The following NBAS variants were observed in gnomAD, a reference collection of about 807,000 sequenced individuals.
The protein encoded by NBAS is NBAS subunit of NRZ tethering complex, also known as NAG/BC035112 fusion.
NBAS carries 219 observed loss-of-function variants against 302.5 expected under a neutral mutation model. That is an observed-to-expected ratio of 0.72 (90% CI 0.65 to 0.81). The LOEUF (loss-of-function observed/expected upper bound fraction) is 0.81, where lower values mean the gene tolerates loss of function less well. Among genes scored for constraint, NBAS ranks in the 30% least tolerant of loss-of-function variants. NBAS has a pLI of 0.00. For missense variants in NBAS, 2,932 were observed against 2,841.6 expected, an observed-to-expected ratio of 1.03 and a Z score of -0.72; for synonymous variants, 1,118 against 1,021.6, an observed-to-expected ratio of 1.09 and a Z score of -1.80.
At chr2:15,285,463 T>C (rs1669995018) in intron 42 of NBAS, among the ~76,000 whole-genome samples, 1 of 152,062 alleles carries the variant, frequency 6.6e-6, no homozygotes. Context: ...CCTCAAGCTT[T>C]CTCCTTTCCT....
chr2:15,053,877 T>C, the NBAS span, among the ~76,000 whole-genome samples: 1 of 151,752 alleles, frequency 6.6e-6, no homozygotes, highest in African/African-American at 2.4e-5. Context: ...AGTAGGCACC[T>C]CTTCTTTCTG....
At chr2:15,344,752 G>A (rs1175668542) in intron 35 of NBAS, among the ~76,000 whole-genome samples, 9 of 152,026 alleles carry the variant, frequency 5.9e-5, no homozygotes, top group Non-Finnish European at 1.3e-4. Context: ...ACATCAACGC[G>A]AAAATCCTCA....
At chr2:15,532,070 G>T (rs1663242910) in intron 9 of NBAS, among the ~76,000 whole-genome samples, 1 of 152,106 alleles carries the variant, frequency 6.6e-6, no homozygotes, top group South Asian at 2.1e-4. Context: ...CTTGTTGAAT[G>T]AATAAATGAA....
chr2:14,972,423 AAATAAT>A, the NBAS span, among the ~76,000 whole-genome samples: 2 of 151,510 alleles, frequency 1.3e-5, no homozygotes, highest in Non-Finnish European at 2.9e-5. Context: ...ACTTAAAGTA[AAATAAT>A]AATAATAATA....
the NBAS span, among the ~76,000 whole-genome samples, chr2:14,824,471 G>A: frequency 1.3e-5 from 2 of 152,054 alleles, no homozygotes; most frequent in Non-Finnish European, 2.9e-5. Context: ...ATTTGTAGGG[G>A]ACAGAAAGAA....
intron 35 of NBAS, among the ~76,000 whole-genome samples, chr2:15,340,539 G>C (rs1672799390): frequency 6.6e-6 from 1 of 152,106 alleles, no homozygotes; most frequent in Admixed American, 6.6e-5. Flanking sequence ...TAGATGTTAG[G>C]TTGGCAGCTG....
intron 45 of NBAS, among the ~76,000 whole-genome samples, chr2:15,235,629 T>C (rs1230055007): frequency 1.3e-5 from 2 of 152,234 alleles, no homozygotes; most frequent in Non-Finnish European, 2.9e-5. Context: ...GATCATGTTA[T>C]AGTGGTTATT....
At chr2:14,996,298 T>C in the NBAS span, among the ~76,000 whole-genome samples, 1 of 152,206 alleles carries the variant, frequency 6.6e-6, no homozygotes, top group Non-Finnish European at 1.5e-5. Flanking sequence ...TTTTTCATCC[T>C]GATGACCCTC....
chr2:15,046,919 G>C, the NBAS span, among the ~76,000 whole-genome samples: 1 of 152,174 alleles, frequency 6.6e-6, no homozygotes, highest in African/African-American at 2.4e-5. Context: ...AGGGCTCCAG[G>C]AAGACCTATA....
At chr2:14,947,810 GT>G in the NBAS span, among the ~76,000 whole-genome samples, 5 of 150,860 alleles carry the variant, frequency 3.3e-5, no homozygotes, top group South Asian at 2.1e-4. Context: ...GTTTCATGAG[GT>G]TTTTTTTTAA....
At chr2:15,207,395 T>C (rs1666197640) in intron 48 of NBAS, among the ~76,000 whole-genome samples, 1 of 152,212 alleles carries the variant, frequency 6.6e-6, no homozygotes, top group African/African-American at 2.4e-5. Flanking sequence ...CAACTCGTCT[T>C]GTCTCAGTCT....
rs1679780681 is a variant in NBAS, at chr2:15,467,657, C to A, written c.2018+7G>T. On this transcript the variant is annotated splice_region_variant and intron_variant, in intron 18 of 51. Transcript: ENST00000281513. ...AACTATCAAATGAACAGTAACAACT[C>A]ATTTACTTGGAAAAGTTCACTAATT... The A allele has an allele frequency of 1.2e-6, 2 of 1,610,572 alleles. No individual in the cohort carries two copies. Among genetic ancestry groups the A allele is most frequent in the Admixed American group, 1.7e-5 (1 of 59,880 alleles).
chr2:15,134,407 C>A, the NBAS span, among the ~76,000 whole-genome samples: 1 of 152,108 alleles, frequency 6.6e-6, no homozygotes. Context: ...TTTCAAGCCA[C>A]CTAGTCTATG....
the NBAS span, among the ~76,000 whole-genome samples, chr2:14,832,687 T>C: frequency 6.6e-6 from 1 of 152,204 alleles, no homozygotes; most frequent in Non-Finnish European, 1.5e-5. Flanking sequence ...TGGGAAGTTT[T>C]CTGTGAGTCA....
chr2:15,331,398 T>A (rs979774519), intron 35 of NBAS, among the ~76,000 whole-genome samples: 2 of 152,236 alleles, frequency 1.3e-5, no homozygotes, highest in Non-Finnish European at 2.9e-5. Context: ...TACAGTCTTT[T>A]AAACAGAAAG....
At position 15,546,175 on chromosome 2, in the gene NBAS, G is replaced by C. The variant is rs190273543; in HGVS notation, c.379+5318C>G. 2.9e-3 allele frequency among the ~76,000 whole-genome samples: 433 copies of C among 151,864 alleles called. 2 individuals carry two copies. Among genetic ancestry groups the C allele is most frequent in the Middle Eastern group, 0.01 (3 of 294 alleles). On this transcript the variant is annotated intron_variant, in intron 6 of 51. Transcript: ENST00000281513. ...AGATCACAAAACACTTATTTTCATA[G>C]AACATATCTACAGTAACAGGTACAG...
the NBAS span, among the ~76,000 whole-genome samples, chr2:14,789,422 C>T: frequency 1.2e-4 from 18 of 152,266 alleles, no homozygotes; most frequent in African/African-American, 4.1e-4. Flanking sequence ...CTGTCTTCTG[C>T]GTCGCTCATG....
At chr2:15,346,992 G>A (rs999957567) in intron 35 of NBAS, among the ~76,000 whole-genome samples, 2 of 152,090 alleles carry the variant, frequency 1.3e-5, no homozygotes, top group Non-Finnish European at 2.9e-5. Flanking sequence ...CACATACCAG[G>A]GCCTGTTGAG....
intron 31 of NBAS, among the ~76,000 whole-genome samples, chr2:15,367,801 TTAC>T (rs2148342932): frequency 6.6e-6 from 1 of 152,216 alleles, no homozygotes; most frequent in South Asian, 2.1e-4. Flanking sequence ...AGGTAAGGAT[TTAC>T]TACAATTTAA....
Sources: allele counts gnomAD v4.1 joint callset (sites outside exome capture counted in the v4.1 genomes callset), GRCh38; gene constraint gnomAD v4.1.1; transcripts MANE v1.5; gene names NCBI Gene and HGNC (gene_info 2026-07-23, HGNC 2026-07-21).